Variants in ANGPT4 observed in about 807,000 individuals in gnomAD.
ANGPT4 encodes the protein angiopoietin-4.
ANGPT4 carries 50 observed loss-of-function variants against 53.0 expected under a neutral mutation model. That is an observed-to-expected ratio of 0.94 (90% CI 0.75 to 1.20). The LOEUF is 1.20. Ranked by LOEUF, ANGPT4 falls within the 50% of genes most tolerant of loss-of-function variation. The pLI, the probability that ANGPT4 is intolerant of heterozygous loss-of-function variation, is 0.00. For missense variants in ANGPT4, 648 were observed against 637.1 expected (o/e 1.02, Z -0.18); for synonymous variants, 251 against 259.7 (o/e 0.97, Z 0.32).
chr20:877,673 C>T (rs1014263351), intron 7 of ANGPT4, among the ~76,000 whole-genome samples: 4 of 152,134 alleles, frequency 2.6e-5, no homozygotes, highest in Non-Finnish European at 4.4e-5. Flanking sequence ...CTTACAAGAT[C>T]GTCATGTTTA....
At chr20:901,928 A>ACAAG (rs1982302205) in intron 1 of ANGPT4, among the ~76,000 whole-genome samples, 1 of 152,146 alleles carries the variant, frequency 6.6e-6, no homozygotes, top group African/African-American at 2.4e-5. Flanking sequence ...AAACAAACAA[A>ACAAG]CAAGCAAGAA....
At chr20:879,960 G>T (rs1016036084) in intron 5 of ANGPT4, 112 bp from the exon 6 acceptor site, 25 of 593,094 alleles carry the variant, frequency 4.2e-5, no homozygotes, top group Non-Finnish European at 6.4e-5. Flanking sequence ...CAACAGGTGA[G>T]CCTGGGGGTC....
Position 908,913 on chromosome 20 carries a change from G to T in ANGPT4, c.309+6993C>A, listed in dbSNP as rs1198174141. 6.6e-6 allele frequency among the ~76,000 whole-genome samples: 1 copy of T among 152,232 alleles called. No homozygotes were observed. The highest frequency in any genetic ancestry group is 1.5e-5 in the Non-Finnish European group (1 of 68,008). On this transcript the variant is annotated intron_variant, in intron 1 of 8. Coordinates refer to ENST00000381922, the MANE Select transcript of ANGPT4 (RefSeq NM_015985.4). This position sits in a 1 kb window ranked among gnomAD's most constrained non-coding sequence, Gnocchi z 4.9. Reference sequence around the variant, plus strand: ...GAGAGGAGAAACAGGGGTCTCAGCTGGGTGTCAGGAACCCTGGGTTCTGGG... The same window carrying T: ...GAGAGGAGAAACAGGGGTCTCAGCTTGGTGTCAGGAACCCTGGGTTCTGGG...
intron 1 of ANGPT4, among the ~76,000 whole-genome samples, chr20:913,312 A>G (rs1982777914): frequency 6.6e-6 from 1 of 152,194 alleles, no homozygotes; most frequent in South Asian, 2.1e-4. Context: ...AGAAGGTAGC[A>G]AGCACTCCCC....
chr20:881,132 CA>C (rs1981386152), intron 5 of ANGPT4, 38 bp downstream of exon 5: 1 of 1,499,114 alleles, frequency 6.7e-7, no homozygotes, highest in Non-Finnish European at 9.0e-7. Context: ...CTTGGCTCAG[CA>C]CCCTCTAACA....
At chr20:902,762 A>C (rs962390955) in intron 1 of ANGPT4, among the ~76,000 whole-genome samples, 6 of 152,150 alleles carry the variant, frequency 3.9e-5, no homozygotes, top group Non-Finnish European at 8.8e-5. Flanking sequence ...ACCCCAAGGT[A>C]CAGGAAAGGT....
chr20:885,359 G>C, intron 3 of ANGPT4, 34 bp from the exon 4 acceptor site: 1 of 1,512,906 alleles, frequency 6.6e-7, no homozygotes, highest in Non-Finnish European at 8.8e-7. Context: ...GGTGAGCCTG[G>C]CATCCTCGCG....
intron 1 of ANGPT4, among the ~76,000 whole-genome samples, chr20:912,685 T>G (rs562534692): frequency 1.6e-4 from 24 of 151,358 alleles, no homozygotes; most frequent in Non-Finnish European, 2.4e-4. Context: ...GAGGAGAGTA[T>G]GAAAGAGGAG....
chr20:896,281 T>A (rs75593314), intron 1 of ANGPT4, among the ~76,000 whole-genome samples: 2,028 of 152,304 alleles, frequency 0.013, 34 homozygotes, highest in African/African-American at 0.034. Context: ...TCCAGGGCAC[T>A]TCTACTAAAT....
chr20:887,282 G>A (rs972719174), intron 3 of ANGPT4, among the ~76,000 whole-genome samples: 2 of 152,206 alleles, frequency 1.3e-5, no homozygotes, highest in African/African-American at 4.8e-5. Context: ...AGAGTTTACC[G>A]ATGACATCCT....
chr20:912,497 G>C (rs2122140241), intron 1 of ANGPT4, among the ~76,000 whole-genome samples: 1 of 152,296 alleles, frequency 6.6e-6, no homozygotes, highest in Non-Finnish European at 1.5e-5. Flanking sequence ...CCTGCCTGCA[G>C]CTTCTCATCC....
chr20:878,246 G>T lies in ANGPT4; in HGVS notation c.1135C>A (p.Arg379Ser), dbSNP rs748158262. Residue 379 changes from arginine (R) to serine (S), a missense_variant, in exon 7 of 9, where the codon CGT becomes AGT. Transcript: ENST00000381922. ...CCTTCCCAGTCTTGCAGCTCCACACGCAGAGAGTAGGCTGCCCTTCTGGTG... is the reference window on the plus strand; with the variant it reads ...CCTTCCCAGTCTTGCAGCTCCACACTCAGAGAGTAGGCTGCCCTTCTGGTG... ...QLTRRAAYSL[R>S]VELQDWEGHE... is the part of the protein sequence containing the mutation. 2.5e-6 allele frequency: 4 copies of T among 1,613,344 alleles called. No individual in the cohort carries two copies. Among genetic ancestry groups the T allele is most frequent in the Non-Finnish European group, 2.5e-6 (3 of 1,179,354 alleles).
Position 910,421 on chromosome 20 carries a change from G to T in ANGPT4, c.309+5485C>A, listed in dbSNP as rs559535788. ...AGAGAGGAGCCAATTGATATATGTG[G>T]CTTCCCCGGGTTCCCATAGCTTTGA... On this transcript the variant is annotated intron_variant, in intron 1 of 8. Coordinates refer to ENST00000381922, the MANE Select transcript of ANGPT4 (RefSeq NM_015985.4). Among the ~76,000 whole-genome samples the T allele has an allele frequency of 2.6e-5, 4 of 152,214 alleles. No homozygotes were observed. The East Asian group carries it at 5.8e-4, about 22-fold the overall frequency.
chr20:890,366 T>C lies in ANGPT4; in HGVS notation c.312A>G (p.Leu104=). Residue 104 remains leucine (L), a splice_region_variant and synonymous_variant, in exon 2 of 9, where the codon CTA becomes CTG. Coordinates refer to ENST00000381922, the MANE Select transcript of ANGPT4 (RefSeq NM_015985.4). ...LQNNTQWLKK[L]ERAIKTILRS... ...TCAAGATCGTCTTGATGGCCCTCTC[T>C]AGCTGTGGGAGACCATGGGCTGGGG... The C allele has an allele frequency of 1.2e-6, 2 of 1,609,204 alleles. No homozygotes were observed. The highest frequency in any genetic ancestry group is 1.3e-5 in the African/African-American group (1 of 74,976).
chr20:873,021 A>T lies in ANGPT4; in HGVS notation c.1451T>A (p.Phe484Tyr). 1 of 1,614,072 alleles carries T rather than the reference A, an allele frequency of 6.2e-7. No homozygotes were observed. The highest frequency in any genetic ancestry group is 1.7e-5 in the Admixed American group (1 of 60,012). Residue 484 changes from phenylalanine to tyrosine, a missense_variant, in exon 9 of 9, where the codon TTC (phenylalanine) becomes TAC (tyrosine). Transcript: ENST00000381922. Reference sequence around the variant, plus strand: ...ACGCAGTGAGTAGCTGGGGCCCTTGAAGTAGTGCCAGCGGATGCCGTCCAT... The same window carrying T: ...ACGCAGTGAGTAGCTGGGGCCCTTGTAGTAGTGCCAGCGGATGCCGTCCAT... Reference protein sequence around the residue: ...YKMDGIRWHYFKGPSYSLRAS... With the variant: ...YKMDGIRWHYYKGPSYSLRAS...
rs1216604166 is a variant in ANGPT4 at position 916,071 on chromosome 20, C to A, written c.144G>T (p.Leu48Phe). ...VQHGHCSYTFLLPKSEPCPPG... is the reference protein window; with the variant it reads ...VQHGHCSYTFFLPKSEPCPPG... ...GAGGGCAGGGCTCAGACTTGGGCAG[C>A]AAGAAGGTGTAGCTACAGTGGCCGT... Residue 48 changes from leucine (L) to phenylalanine (F), a missense_variant, in exon 1 of 9, where the codon TTG becomes TTT. By Grantham distance (22) the Leu-to-Phe change is conservative. Transcript: ENST00000381922. 1 of 1,614,180 alleles carries A rather than the reference C, an allele frequency of 6.2e-7. No individual in the cohort carries two copies. Among genetic ancestry groups the A allele is most frequent in the Non-Finnish European group, 8.5e-7 (1 of 1,180,014 alleles).
chr20:885,907 G>A lies in ANGPT4; in HGVS notation c.588-582C>T, dbSNP rs77415705. The stretch of plus-strand genomic sequence containing the variant: ...TAATGTAAATAAAGAGAAATGGGGT[G>A]AACATATAGGAGAAGGCTGGAAAGA... On this transcript the variant is annotated intron_variant, in intron 3 of 8. Coordinates refer to ENST00000381922, the MANE Select transcript of ANGPT4 (RefSeq NM_015985.4). Among the ~76,000 whole-genome samples the A allele has an allele frequency of 4.5e-3, 687 of 152,316 alleles. 9 individuals are homozygous for A. The highest frequency in any genetic ancestry group is 0.016 in the African/African-American group (656 of 41,574).
At position 874,307 on chromosome 20, in the gene ANGPT4, T is replaced by C. The variant is rs1981070754; in HGVS notation, c.1328A>G (p.Lys443Arg). 4 of 1,614,068 alleles carry C rather than the reference T, an allele frequency of 2.5e-6. No individual in the cohort carries two copies. The highest frequency in any genetic ancestry group is 3.4e-6 in the Non-Finnish European group (4 of 1,180,034). Residue 443 changes from lysine (K) to arginine (R), a missense_variant, in exon 8 of 9, where the codon AAG becomes AGG. By Grantham distance (26) the Lys-to-Arg change is conservative. Coordinates refer to ENST00000381922, the MANE Select transcript of ANGPT4 (RefSeq NM_015985.4). ...ACCTCCAGACATCACTTGGGCACACTTGCAGAGACAGTGGTCGTTGTCTGA... is the reference window on the plus strand; with the variant it reads ...ACCTCCAGACATCACTTGGGCACACCTGCAGAGACAGTGGTCGTTGTCTGA... ...LDSDNDHCLCKCAQVMSGGWW... is the reference protein window; with the variant it reads ...LDSDNDHCLCRCAQVMSGGWW...
chr20:894,258 T>C (rs1487910670), intron 1 of ANGPT4, among the ~76,000 whole-genome samples: 1 of 152,150 alleles, frequency 6.6e-6, no homozygotes, highest in Non-Finnish European at 1.5e-5. Context: ...GCGGTCACCT[T>C]CCCAGCTAGG....
Sources: gnomAD v4.1 joint callset for allele counts (sites outside exome capture counted in the v4.1 genomes callset) on GRCh38, gnomAD v4.1.1 for gene constraint, Gnocchi (gnomAD v3.1) non-coding constraint, MANE v1.5 for transcripts, NCBI Gene and HGNC (gene_info 2026-07-23, HGNC 2026-07-21) for gene names.